The following JAG2 variants were observed in gnomAD, a reference collection of about 807,000 sequenced individuals.
The protein encoded by JAG2 is protein jagged-2.
JAG2 carries 46 observed loss-of-function variants against 141.7 expected under a neutral mutation model. The observed-to-expected ratio is 0.32, with a 90% confidence interval of 0.26 to 0.42. JAG2 has a LOEUF of 0.42. Among genes scored for constraint, JAG2 ranks in the 10% least tolerant of loss-of-function variants. The pLI is 1.00. For missense variants in JAG2, 1,500 were observed against 1,817.5 expected (o/e 0.83, Z 3.18); for synonymous variants, 862 against 763.5 (o/e 1.13, Z -2.13).
intron 23 of JAG2, 110 bp from the exon 24 acceptor site, chr14:105,145,171 G>A (rs1286923510): frequency 2.7e-6 from 4 of 1,458,260 alleles, no homozygotes; most frequent in Middle Eastern, 2.4e-4. Context: ...GCCCGCCCAG[G>A]AGAGCACAGC....
chr14:105,143,074 C>A lies in JAG2; in HGVS notation c.3338G>T (p.Arg1113Leu), dbSNP rs377407573. ...CTCCCGCGGCAGCCGGCTCCTCTCCCGCTCTTTCCTGCGCTTGCGTGTCCA... is the reference window on the plus strand; with the variant it reads ...CTCCCGCGGCAGCCGGCTCCTCTCCAGCTCTTTCCTGCGCTTGCGTGTCCA... The part of the protein sequence containing the change: ...VWWTRKRRKE[R>L]ERSRLPREES... Residue 1113 changes from arginine (R) to leucine (L), a missense_variant, in exon 26 of 26, where the codon CGG becomes CTG. By Grantham distance (102) the Arg-to-Leu change is moderately radical (BLOSUM62 -2). This residue lies in a region of JAG2 where 425 missense variants were observed against 441.0 expected (regional missense o/e 0.96). Coordinates refer to ENST00000331782, the MANE Select transcript of JAG2 (RefSeq NM_002226.5). 1.9e-6 allele frequency: 3 copies of A among 1,601,108 alleles called. No individual in the cohort carries two copies. The highest frequency in any genetic ancestry group is 1.3e-5 in the African/African-American group (1 of 74,932).
At chr14:105,151,780 C>A (rs774634751) in intron 7 of JAG2, 41 bp from the exon 8 acceptor site, 3 of 1,598,440 alleles carry the variant, frequency 1.9e-6, no homozygotes, top group Non-Finnish European at 2.6e-6. Flanking sequence ...GCAGCCAGGC[C>A]CCCAGCTTTC....
Position 105,168,398 on chromosome 14 carries a change from C to T in JAG2, c.23G>A (p.Arg8His). ...CAGCAGCAGCAGCCGCCGGGGAAGGCGCCCCCGGCCCTGCGCCCGCATTGC... is the reference window on the plus strand; with the variant it reads ...CAGCAGCAGCAGCCGCCGGGGAAGGTGCCCCCGGCCCTGCGCCCGCATTGC... The part of the protein sequence containing the change: MRAQGRG[R>H]LPRRLLLLLA... The change falls in exon 1 of 26, where the codon CGC becomes CAC. Residue 8 changes from arginine (R) to histidine (H), a missense_variant. Arg to His is a conservative substitution (Grantham distance 29). Coordinates refer to ENST00000331782, the MANE Select transcript of JAG2 (RefSeq NM_002226.5). 1 of 1,018,140 alleles carries T rather than the reference C, an allele frequency of 9.8e-7. No individual in the cohort carries two copies. The highest frequency in any genetic ancestry group is 2.6e-5 in the South Asian group (1 of 38,002). 63.1% of individuals were successfully genotyped at this position (1,018,140 alleles called of 1,614,324 possible). A position where few individuals can be genotyped will look rare whatever the true frequency, so the allele number is the denominator to read the frequency against.
chr14:105,142,835 C>T lies in JAG2; in HGVS notation c.3577G>A (p.Ala1193Thr). 3 of 1,610,378 alleles carry T rather than the reference C, an allele frequency of 1.9e-6. No individual in the cohort carries two copies. Among genetic ancestry groups the T allele is most frequent in the Non-Finnish European group, 2.5e-6 (3 of 1,178,770 alleles). The change falls in exon 26 of 26, where the codon GCG becomes ACG. Residue 1193 changes from alanine to threonine, a missense_variant. This residue lies in a region of JAG2 where 425 missense variants were observed against 441.0 expected (regional missense o/e 0.96). Transcript: ENST00000331782. ...LGRGEEDSLE[A>T]EKFLSHKFTK... is the part of the protein sequence containing the mutation. ...AATTTGTGTGAGAGGAACTTCTCCGCCTCCAGGGAGTCCTCCTCACCGCGG... is the reference window on the plus strand; with the variant it reads ...AATTTGTGTGAGAGGAACTTCTCCGTCTCCAGGGAGTCCTCCTCACCGCGG...
Position 105,143,002 on chromosome 14 carries a change from G to A in JAG2, c.3410C>T (p.Pro1137Leu). The change falls in exon 26 of 26, where the codon CCC becomes CTC. Residue 1137 changes from proline to leucine, a missense_variant. By Grantham distance (98) the Pro-to-Leu change is moderately conservative. This residue lies in a region of JAG2 where 425 missense variants were observed against 441.0 expected (regional missense o/e 0.96). Coordinates refer to ENST00000331782, the MANE Select transcript of JAG2 (RefSeq NM_002226.5). ...QWAPLNPIRN[P>L]IERPGGHKDV... ...CTTGTGGCCCCCCGGCCGCTCAATGGGGTTGCGGATGGGGTTGAGCGGGGC... is the reference window on the plus strand; with the variant it reads ...CTTGTGGCCCCCCGGCCGCTCAATGAGGTTGCGGATGGGGTTGAGCGGGGC... The A allele has an allele frequency of 6.2e-7, 1 of 1,607,572 alleles. No individual in the cohort carries two copies.
chr14:105,143,552 C>T lies in JAG2; in HGVS notation c.3171G>A (p.Gly1057=). ...TGACAGCCAGGAGCAGTGAGCTGTT[C>T]CCCCGCTGGGTGATGGCGGCCACGA... ...HAIVAAITQR[G]NSSLLLAVTE... The change falls in exon 25 of 26, where the codon GGG becomes GGA. Residue 1057 remains glycine (G), a synonymous_variant. Transcript: ENST00000331782. The T allele has an allele frequency of 1.3e-6, 2 of 1,597,320 alleles. No individual in the cohort carries two copies. Among genetic ancestry groups the T allele is most frequent in the Non-Finnish European group, 1.7e-6 (2 of 1,174,790 alleles).
At chr14:105,143,941 C>T (rs191244444) in intron 24 of JAG2, among the ~76,000 whole-genome samples, 10 of 124,364 alleles carry the variant, frequency 8.0e-5, no homozygotes, top group Non-Finnish European at 9.7e-5. Flanking sequence ...TGTCCCCATC[C>T]GGGCGCACGG....
chr14:105,167,983 T>A lies in JAG2; in HGVS notation c.191A>T (p.His64Leu). The A allele has an allele frequency of 6.2e-7, 1 of 1,603,160 alleles. No individual in the cohort carries two copies. Among genetic ancestry groups the A allele is most frequent in the Non-Finnish European group, 8.5e-7 (1 of 1,177,760 alleles). Reference sequence around the variant, plus strand: ...GCGCACGTACGTGTCGCACTCGTCGTGGCCGCAGCCCCCCGCGCGCGTTGT... The same window carrying A: ...GCGCACGTACGTGTCGCACTCGTCGAGGCCGCAGCCCCCCGCGCGCGTTGT... ...GRTTRAGGCG[H>L]DECDTYVRVC... The change falls in exon 2 of 26, where the codon CAC (histidine) becomes CTC (leucine). Residue 64 changes from histidine to leucine, a missense_variant. Physicochemically the swap from His to Leu is moderately conservative, Grantham distance 99 (BLOSUM62 -3). Around this residue, in one of 3 missense-constraint regions of JAG2, gnomAD observed 200 missense variants for 174.3 expected, o/e 1.15. Coordinates refer to ENST00000331782, the MANE Select transcript of JAG2 (RefSeq NM_002226.5). This position sits in a 1 kb window ranked among gnomAD's most constrained non-coding sequence, Gnocchi z 4.8.
chr14:105,167,542 A>T lies in JAG2; in HGVS notation c.417+215T>A, dbSNP rs931523977. On this transcript the variant is annotated intron_variant, in intron 2 of 25. Transcript: ENST00000331782. This position sits in a 1 kb window ranked among gnomAD's most constrained non-coding sequence, Gnocchi z 4.8. ...ACGCCGCCGCCCCGCCCCCGCCGCG[A>T]CCCCGCTCCCGGTGGCCCCGGGGCC... Among the ~76,000 whole-genome samples, 1 of 143,958 alleles carries T rather than the reference A, an allele frequency of 6.9e-6. No homozygotes were observed. The highest frequency in any genetic ancestry group is 2.6e-5 in the African/African-American group (1 of 38,994). The allele number at this position is 143,958 out of a possible 152,430, so 94.4% of individuals were successfully genotyped here.
rs1469239665 is a variant in JAG2 at position 105,159,832 on chromosome 14, C to G, written c.418-2069G>C. Among the ~76,000 whole-genome samples, 8 of 22,988 alleles carry G rather than the reference C, an allele frequency of 3.5e-4. No homozygotes were observed. The South Asian group carries it at 5.8e-3, about 17-fold the overall frequency. The allele number at this position is 22,988 out of a possible 152,430, so 15.1% of individuals were successfully genotyped here. A position where few individuals can be genotyped will look rare whatever the true frequency, so the allele number is the denominator to read the frequency against. On this transcript the variant is annotated intron_variant, in intron 2 of 25. Transcript: ENST00000331782. ...ACCCCCCCCCAGAGCTCTGTCCACACCCCCCAACATGCTCCATCCACACCC... is the reference window on the plus strand; with the variant it reads ...ACCCCCCCCCAGAGCTCTGTCCACAGCCCCCAACATGCTCCATCCACACCC...
intron 1 of JAG2, 97 bp downstream of exon 1, chr14:105,168,258 C>G: frequency 1.3e-6 from 1 of 752,252 alleles, no homozygotes; most frequent in Non-Finnish European, 1.6e-6. Context: ...TCGAGGGCTT[C>G]CGAACCACGG....
rs1888983724 is a variant in JAG2, at chr14:105,168,217, C to A, written c.67-110G>T. 11 of 963,342 alleles carry A rather than the reference C, an allele frequency of 1.1e-5. No homozygotes were observed. In the South Asian group the frequency reaches 2.4e-4, roughly 21 times the overall value. 59.7% of individuals were successfully genotyped at this position (963,342 alleles called of 1,614,324 possible). ...CCGCCCCGCCCCCACCCAGCCGCGC[C>A]CGCCCGGAGCCCCAGCCGCCGCGCG... On this transcript the variant is annotated intron_variant, in intron 1 of 25. Coordinates refer to ENST00000331782, the MANE Select transcript of JAG2 (RefSeq NM_002226.5).
At chr14:105,153,433 ATCGGC>A (rs1463025878) in intron 5 of JAG2, among the ~76,000 whole-genome samples, 1 of 152,216 alleles carries the variant, frequency 6.6e-6, no homozygotes, top group Non-Finnish European at 1.5e-5. Flanking sequence ...ACCTTGGGTC[ATCGGC>A]CAGAGAGCGG....
Position 105,145,914 on chromosome 14 carries a change from C to G in JAG2, c.2769G>C (p.Gln923His). 6.4e-7 allele frequency: 1 copy of G among 1,572,060 alleles called. No individual in the cohort carries two copies. ...CCAGGCACCTTTGCCCCAGTGGGCA[C>G]TGGGCGCTCAGGGCCTCGGGCTGGC... ...LAGQPEALSA[Q>H]CPLGQRCLEK... The change falls in exon 23 of 26, where the codon CAG (glutamine) becomes CAC (histidine). Residue 923 changes from glutamine to histidine, a missense_variant. This residue lies in a region of JAG2 where 875 missense variants were observed against 1,202.2 expected (regional missense o/e 0.73). Transcript: ENST00000331782.
intron 4 of JAG2, 40 bp downstream of exon 4, chr14:105,155,698 G>A (rs984604657): frequency 1.2e-6 from 2 of 1,612,386 alleles, no homozygotes; most frequent in Non-Finnish European, 1.7e-6. Flanking sequence ...CCCTGCCCGA[G>A]GCCCTCCCTG....
At chr14:105,163,811 C>T (rs587610048) in intron 2 of JAG2, among the ~76,000 whole-genome samples, 1 of 150,692 alleles carries the variant, frequency 6.6e-6, no homozygotes, top group African/African-American at 2.4e-5. Context: ...CCCACTCAGG[C>T]CTGGGGTCTA....
chr14:105,155,161 A>G (rs1300521389), intron 5 of JAG2, among the ~76,000 whole-genome samples: 1 of 150,304 alleles, frequency 6.7e-6, no homozygotes, highest in Non-Finnish European at 1.5e-5. Flanking sequence ...CTCAGCTCCC[A>G]CCACTGGTCT....
At chr14:105,157,911 A>AGGCCC in intron 2 of JAG2, 148 bp from the exon 3 acceptor site, 1 of 746,902 alleles carries the variant, frequency 1.3e-6, no homozygotes, top group Non-Finnish European at 2.3e-6. Flanking sequence ...CACCCTCCTC[A>AGGCCC]TCCTCAGGCC....
chr14:105,159,454 C>T lies in JAG2; in HGVS notation c.418-1691G>A, dbSNP rs144441797. Among the ~76,000 whole-genome samples, 38 of 152,076 alleles carry T rather than the reference C, an allele frequency of 2.5e-4. No individual in the cohort carries two copies. The East Asian group carries it at 6.6e-3, about 26-fold the overall frequency. On this transcript the variant is annotated intron_variant, in intron 2 of 25. Transcript: ENST00000331782. ...CCCGCCAGGCCACGGGGCCCAGTCC[C>T]CGCCCATCTCCAGGGCTCCCTGAGG...
Sources: gnomAD v4.1 joint callset for allele counts (sites outside exome capture counted in the v4.1 genomes callset) on GRCh38, gnomAD v4.1.1 for gene constraint, gnomAD v4.1.1 regional missense constraint, Gnocchi (gnomAD v3.1) non-coding constraint, MANE v1.5 for transcripts, NCBI Gene and HGNC (gene_info 2026-07-23, HGNC 2026-07-21) for gene names.